ROBO1: variants seen among roughly 807,000 people sequenced by gnomAD.
ROBO1 encodes roundabout homolog 1.
In ROBO1, 149 loss-of-function variants were observed where a neutral mutation model predicts 195.9. That is an observed-to-expected ratio of 0.76 (90% CI 0.67 to 0.87). ROBO1 has a LOEUF of 0.87. Ranked by LOEUF, ROBO1 falls within the 40% of genes least tolerant of loss-of-function variation. ROBO1 has a pLI of 0.00. For synonymous variants in ROBO1, 816 were observed against 733.2 expected, an observed-to-expected ratio of 1.11 and a Z score of -1.82; for missense variants, 1,933 against 2,068.3, an observed-to-expected ratio of 0.93 and a Z score of 1.27.
At chr3:79,166,738 T>C (rs2081074517) in intron 2 of ROBO1, among the ~76,000 whole-genome samples, 1 of 151,896 alleles carries the variant, frequency 6.6e-6, no homozygotes, top group African/African-American at 2.4e-5. Context: ...GCTAATTTTT[T>C]TTGTATTTTT....
At chr3:79,008,887 CCGTGTGTG>C (rs2077695727) in intron 3 of ROBO1, among the ~76,000 whole-genome samples, 1 of 73,502 alleles carries the variant, frequency 1.4e-5, no homozygotes, top group African/African-American at 5.0e-5. Context: ...CTGCACCCAG[CCGTGTGTG>C]TGTGTGTGTG....
At chr3:79,446,485 G>C (rs2039260422) in intron 2 of ROBO1, among the ~76,000 whole-genome samples, 1 of 152,128 alleles carries the variant, frequency 6.6e-6, no homozygotes. Flanking sequence ...ATAAGATCAT[G>C]CTGCAATTAG....
intron 3 of ROBO1, among the ~76,000 whole-genome samples, chr3:79,063,483 T>C (rs2078954761): frequency 6.8e-6 from 1 of 146,238 alleles, no homozygotes; most frequent in Non-Finnish European, 1.5e-5. Context: ...CTTAATCTCA[T>C]TCCAATAAGC....
At chr3:79,527,384 A>G (rs1941475327) in intron 2 of ROBO1, among the ~76,000 whole-genome samples, 1 of 152,198 alleles carries the variant, frequency 6.6e-6, no homozygotes, top group African/African-American at 2.4e-5. Flanking sequence ...TGCTAACTTT[A>G]CTAATAAATG....
At chr3:79,508,185 G>A (rs1206600863) in intron 2 of ROBO1, among the ~76,000 whole-genome samples, 3 of 151,978 alleles carry the variant, frequency 2.0e-5, no homozygotes, top group Non-Finnish European at 4.4e-5. Flanking sequence ...GCAAACCAAC[G>A]TGGCACATGT....
At chr3:79,671,325 G>A (rs1946625267) in intron 1 of ROBO1, among the ~76,000 whole-genome samples, 1 of 151,780 alleles carries the variant, frequency 6.6e-6, no homozygotes, top group Non-Finnish European at 1.5e-5. Context: ...TTTAAGAGAG[G>A]TACTACAGAT....
Position 79,589,954 on chromosome 3 carries a change from T to C in ROBO1, c.-43A>G. On this transcript the variant is annotated 5_prime_UTR_variant, in exon 2 of 31. Coordinates refer to ENST00000464233, the MANE Select transcript of ROBO1 (RefSeq NM_002941.4). ...ATTACAACCAGCCAGTGACAGACAATGTGTTATCTGGGGAGATTAAAAAAA... is the reference window on the plus strand; with the variant it reads ...ATTACAACCAGCCAGTGACAGACAACGTGTTATCTGGGGAGATTAAAAAAA... 7.4e-7 allele frequency: 1 copy of C among 1,345,814 alleles called. No homozygotes were observed. Among genetic ancestry groups the C allele is most frequent in the Non-Finnish European group, 1.1e-6 (1 of 938,044 alleles). 83.4% of individuals were successfully genotyped at this position (1,345,814 alleles called of 1,614,324 possible).
chr3:79,682,430 T>C (rs900546935), intron 1 of ROBO1, among the ~76,000 whole-genome samples: 1 of 152,014 alleles, frequency 6.6e-6, no homozygotes, highest in Non-Finnish European at 1.5e-5. Context: ...ACCAATAAAT[T>C]GCTTGAAGAA....
At chr3:79,412,755 A>G (rs1256895014) in intron 2 of ROBO1, among the ~76,000 whole-genome samples, 1 of 151,960 alleles carries the variant, frequency 6.6e-6, no homozygotes, top group Non-Finnish European at 1.5e-5. Flanking sequence ...TGTAATGTAC[A>G]TTGCACATTC....
chr3:78,635,947 A>T lies in ROBO1; in HGVS notation c.3199T>A (p.Ser1067Thr). The stretch of plus-strand genomic sequence containing the variant: ...GTGGCGTAAGGAGTAGGCTGCCCTG[A>T]TGGATTGACAAAACGCCCATCCTTC... ...NLKDGRFVNP[S>T]GQPTPYATTQ... The change falls in exon 23 of 31, where the codon TCA becomes ACA. Residue 1067 changes from serine (S) to threonine (T), a missense_variant. Coordinates refer to ENST00000464233, the MANE Select transcript of ROBO1 (RefSeq NM_002941.4). 1 of 1,613,898 alleles carries T rather than the reference A, an allele frequency of 6.2e-7. No homozygotes were observed. Among genetic ancestry groups the T allele is most frequent in the Non-Finnish European group, 8.5e-7 (1 of 1,179,830 alleles).
intron 1 of ROBO1, among the ~76,000 whole-genome samples, chr3:79,663,141 A>C (rs534514629): frequency 1.3e-5 from 2 of 152,190 alleles, no homozygotes; most frequent in East Asian, 3.9e-4. Context: ...CACTTATCAA[A>C]TACCAGGTTT....
chr3:79,065,324 G>C (rs2078986810), intron 3 of ROBO1, among the ~76,000 whole-genome samples: 1 of 152,008 alleles, frequency 6.6e-6, no homozygotes, highest in South Asian at 2.1e-4. Context: ...GGAGACACAG[G>C]TGTAATGTAG....
At chr3:79,713,197 C>A (rs937241458) in intron 1 of ROBO1, among the ~76,000 whole-genome samples, 2 of 151,716 alleles carry the variant, frequency 1.3e-5, no homozygotes, top group African/African-American at 4.8e-5. Flanking sequence ...TGGAAATGTA[C>A]AAGGAGATTA....
intron 2 of ROBO1, among the ~76,000 whole-genome samples, chr3:79,589,236 A>G (rs1014402987): frequency 6.6e-6 from 1 of 151,736 alleles, no homozygotes; most frequent in Non-Finnish European, 1.5e-5. Context: ...TCCTATTAAA[A>G]CAGTATAAGT....
At chr3:79,607,213 C>A (rs1317854861) in intron 1 of ROBO1, among the ~76,000 whole-genome samples, 1 of 150,214 alleles carries the variant, frequency 6.7e-6, no homozygotes, top group Non-Finnish European at 1.5e-5. Flanking sequence ...AAAAGATGTT[C>A]TTTTTATATT....
At chr3:79,094,432 G>A (rs891430297) in intron 3 of ROBO1, among the ~76,000 whole-genome samples, 2 of 152,030 alleles carry the variant, frequency 1.3e-5, no homozygotes, top group Non-Finnish European at 2.9e-5. Context: ...GTACTGCATG[G>A]ACATCCTTTG....
At chr3:79,443,556 T>C (rs993648250) in intron 2 of ROBO1, among the ~76,000 whole-genome samples, 4 of 152,138 alleles carry the variant, frequency 2.6e-5, no homozygotes, top group African/African-American at 9.7e-5. Flanking sequence ...AATACCTAAA[T>C]GAATTGAGAA....
At chr3:79,018,143 G>A (rs1488365301) in intron 3 of ROBO1, among the ~76,000 whole-genome samples, 1 of 151,600 alleles carries the variant, frequency 6.6e-6, no homozygotes. Flanking sequence ...TAATCTGGGC[G>A]TGCCCTGAAC....
chr3:79,257,773 C>G (rs561147666), intron 2 of ROBO1, among the ~76,000 whole-genome samples: 1 of 152,060 alleles, frequency 6.6e-6, no homozygotes, highest in Non-Finnish European at 1.5e-5. Flanking sequence ...GTTTTAGATG[C>G]TCTTTTTGCT....
Sources: allele counts gnomAD v4.1 joint callset (sites outside exome capture counted in the v4.1 genomes callset), GRCh38; gene constraint gnomAD v4.1.1; transcripts MANE v1.5; gene names NCBI Gene and HGNC (gene_info 2026-07-23, HGNC 2026-07-21).